Variants in LAMA4 observed in about 807,000 individuals in gnomAD.
The protein encoded by LAMA4 is laminin subunit alpha-4.
Under a neutral mutation model 207.1 loss-of-function variants are expected in LAMA4, and 127 were observed. That is an observed-to-expected ratio of 0.61 (90% CI 0.53 to 0.71). The LOEUF is 0.71. LAMA4 is among the 30% of genes least tolerant of loss of function. LAMA4 has a pLI of 0.00. For synonymous variants in LAMA4, 761 were observed against 816.0 expected, an observed-to-expected ratio of 0.93 and a Z score of 1.15; for missense variants, 2,093 against 2,246.5, an observed-to-expected ratio of 0.93 and a Z score of 1.38.
intron 2 of LAMA4, among the ~76,000 whole-genome samples, chr6:112,221,339 A>G (rs782054910): frequency 3.3e-5 from 5 of 152,202 alleles, no homozygotes; most frequent in Non-Finnish European, 5.9e-5. Context: ...CTACGAACAT[A>G]TGACATATAT....
intron 2 of LAMA4, among the ~76,000 whole-genome samples, chr6:112,222,784 T>A (rs1554360979): frequency 6.6e-6 from 1 of 152,246 alleles, no homozygotes; most frequent in Non-Finnish European, 1.5e-5. Flanking sequence ...AAGTACTTGC[T>A]ACGCTTGCTA....
chr6:112,221,727 A>G (rs1784936925), intron 2 of LAMA4, among the ~76,000 whole-genome samples: 1 of 151,516 alleles, frequency 6.6e-6, no homozygotes, highest in Non-Finnish European at 1.5e-5. Flanking sequence ...GTGTGCCCTT[A>G]CTTAAGAGTC....
At position 112,154,936 on chromosome 6, in the gene LAMA4, C is replaced by T. The variant is rs782054221; in HGVS notation, c.1971G>A (p.Gly657=). The change falls in exon 16 of 39, where the codon GGG becomes GGA. Residue 657 remains glycine, a synonymous_variant. Transcript: ENST00000230538. ...TATGGTAAATGATTTGAGTATCAAT[C>T]CCACTCACCGCCTACAAAGGAATTG... ...TTDRIYDAVS[G]IDTQIIYHKD... is the part of the protein sequence containing the mutation. 3 of 1,609,994 alleles carry T rather than the reference C, an allele frequency of 1.9e-6. No individual in the cohort carries two copies. Among genetic ancestry groups the T allele is most frequent in the Admixed American group, 1.7e-5 (1 of 60,010 alleles).
chr6:112,159,163 A>C, intron 13 of LAMA4: 1 of 420,036 alleles, frequency 2.4e-6, no homozygotes, highest in South Asian at 2.4e-5. Context: ...AATTATCCAC[A>C]CATGTCCCTA....
intron 5 of LAMA4, among the ~76,000 whole-genome samples, chr6:112,197,560 T>C (rs1333502920): frequency 6.6e-6 from 1 of 152,230 alleles, no homozygotes; most frequent in Non-Finnish European, 1.5e-5. Context: ...CTATGGTTTT[T>C]ACATGTCTTG....
chr6:112,131,660 A>G (rs116677375), intron 28 of LAMA4, among the ~76,000 whole-genome samples: 56 of 152,254 alleles, frequency 3.7e-4, no homozygotes, highest in African/African-American at 1.3e-3. Context: ...CCCTCAAAAT[A>G]GACTACTTTT....
intron 3 of LAMA4, among the ~76,000 whole-genome samples, chr6:112,211,722 C>A (rs1784363667): frequency 6.6e-6 from 1 of 152,126 alleles, no homozygotes; most frequent in Admixed American, 6.5e-5. Context: ...AGTTGTCTTT[C>A]AAGAAATCTC....
chr6:112,213,739 T>C (rs1260258725), intron 3 of LAMA4: 3 of 306,246 alleles, frequency 9.8e-6, no homozygotes, highest in Non-Finnish European at 1.8e-5. Context: ...TCTGTAAATT[T>C]TAATTTCAAA....
rs587629667 is a variant in LAMA4, at chr6:112,117,726, T to C, written c.4981+13A>G. ...CATTTCATGACTCATATTTTTAACA[T>C]GACTAATGTTACCTAGAACCACGTA... is the stretch of plus-strand genomic sequence containing the variant. On this transcript the variant is annotated intron_variant, in intron 35 of 38. Coordinates refer to ENST00000230538, the MANE Select transcript of LAMA4 (RefSeq NM_001105206.3). The surrounding 1 kb of genome is among the most constrained non-coding windows in gnomAD (Gnocchi z 4.5). 2.4e-5 allele frequency: 39 copies of C among 1,611,312 alleles called. No homozygotes were observed. In the South Asian group the frequency reaches 3.1e-4, roughly 13 times the overall value.
In LAMA4 at chr6:112,148,241, TG is replaced by T; in HGVS notation, c.2268del (p.Asn757ThrfsTer3). On this transcript the variant is annotated frameshift_variant, in exon 18 of 39. Coordinates refer to ENST00000230538, the MANE Select transcript of LAMA4 (RefSeq NM_001105206.3). LOFTEE classifies it high-confidence loss of function. ...MEVQQATAPM[A>X]NNLTNWSQNL... ...TTCTGTGACCAGTTGGTTAGATTGT[TG>T]GCCATGGGGGCAGTGGCCTGCTGCA... 1 of 1,614,208 alleles carries T rather than the reference TG, an allele frequency of 6.2e-7. No individual in the cohort carries two copies. Among genetic ancestry groups the T allele is most frequent in the Non-Finnish European group, 8.5e-7 (1 of 1,180,020 alleles).
Position 112,172,611 on chromosome 6 carries a change from C to G in LAMA4, c.1551G>C (p.Glu517Asp), listed in dbSNP as rs1781782964. The stretch of plus-strand genomic sequence containing the variant: ...CATTGATGGTGAGTGTCCGCTGTAC[C>G]TCATGGTCCCGCTGCCTGGCTGCTG... ...RATAARQRDH[E>D]KQQERVREQM... The change falls in exon 12 of 39, where the codon GAG (glutamate) becomes GAC (aspartate). Residue 517 changes from glutamate (E) to aspartate (D), a missense_variant and splice_region_variant. Transcript: ENST00000230538. 6.2e-7 allele frequency: 1 copy of G among 1,612,534 alleles called. No individual in the cohort carries two copies. Among genetic ancestry groups the G allele is most frequent in the Non-Finnish European group, 8.5e-7 (1 of 1,179,928 alleles).
At chr6:112,121,582 C>G (rs1778359112) in intron 32 of LAMA4, among the ~76,000 whole-genome samples, 1 of 152,152 alleles carries the variant, frequency 6.6e-6, no homozygotes, top group African/African-American at 2.4e-5. Context: ...TTGGAGATAG[C>G]TGGAGGGTCA....
At chr6:112,251,861 C>G (rs1328943827) in intron 2 of LAMA4, among the ~76,000 whole-genome samples, 1 of 152,216 alleles carries the variant, frequency 6.6e-6, no homozygotes, top group African/African-American at 2.4e-5. Flanking sequence ...TTTTTCAAAA[C>G]TGAAGGCCTC....
At chr6:112,154,502 T>TGCAATATA (rs1780585098) in intron 16 of LAMA4, among the ~76,000 whole-genome samples, 1 of 151,982 alleles carries the variant, frequency 6.6e-6, no homozygotes, top group Non-Finnish European at 1.5e-5. Flanking sequence ...GGAAATTTTG[T>TGCAATATA]GCAATATAGT....
In LAMA4 at chr6:112,139,147, G is replaced by A. The variant is rs782619414; in HGVS notation, c.3255C>T (p.Asn1085=). Residue 1085 remains asparagine, a synonymous_variant, in exon 24 of 39, where the codon AAC becomes AAT. Coordinates refer to ENST00000230538, the MANE Select transcript of LAMA4 (RefSeq NM_001105206.3). ...CATTGACCATCAGGAGAATAAGGCC[G>A]TTGTCAGCTGGTGTTCGAACTTCTA... ...FDIEVRTPAD[N]GLILLMVNGS... 65 of 1,613,992 alleles carry A rather than the reference G, an allele frequency of 4.0e-5. No homozygotes were observed. The highest frequency in any genetic ancestry group is 3.3e-4 in the Middle Eastern group (2 of 6,084).
intron 2 of LAMA4, among the ~76,000 whole-genome samples, chr6:112,252,765 A>G (rs1157797663): frequency 6.6e-6 from 1 of 152,200 alleles, no homozygotes; most frequent in African/African-American, 2.4e-5. Flanking sequence ...TTCCCATTGC[A>G]TGAAGTCCCT....
chr6:112,239,180 G>C (rs1471289363), intron 2 of LAMA4, among the ~76,000 whole-genome samples: 2 of 151,982 alleles, frequency 1.3e-5, no homozygotes, highest in Non-Finnish European at 2.9e-5. Context: ...AATTAGCTGG[G>C]TGTGGTGGCA....
chr6:112,153,816 A>G (rs1780538934), intron 16 of LAMA4, among the ~76,000 whole-genome samples: 1 of 152,170 alleles, frequency 6.6e-6, no homozygotes, highest in Non-Finnish European at 1.5e-5. Flanking sequence ...TAATAATTAG[A>G]CTAGAGAAAC....
chr6:112,216,776 G>A (rs1465214338), intron 2 of LAMA4: 3 of 370,020 alleles, frequency 8.1e-6, no homozygotes, highest in Middle Eastern at 9.2e-4. Context: ...GTAACAGTAA[G>A]GGAGAAAAAA....
Sources: gnomAD v4.1 joint callset for allele counts (sites outside exome capture counted in the v4.1 genomes callset) on GRCh38, gnomAD v4.1.1 for gene constraint, Gnocchi (gnomAD v3.1) non-coding constraint, MANE v1.5 for transcripts, NCBI Gene and HGNC (gene_info 2026-07-23, HGNC 2026-07-21) for gene names.